The following GGACT variants were observed in gnomAD, a reference collection of about 807,000 sequenced individuals.
The protein encoded by GGACT is gamma-glutamylamine cyclotransferase, also known as gamma-glutamylaminecyclotransferase.
For missense variants in GGACT, 241 were observed against 233.2 expected (o/e 1.03, Z -0.22); for synonymous variants, 118 against 115.3 (o/e 1.02, Z -0.15).
chr13:100,556,634 T>C (rs1413415030), intron 2 of GGACT, among the ~76,000 whole-genome samples: 2 of 152,082 alleles, frequency 1.3e-5, no homozygotes, highest in African/African-American at 4.8e-5. Context: ...CTAAAATTTA[T>C]ATAAAAGGTA....
Position 100,530,460 on chromosome 13 carries a change from G to T in GGACT, c.*1670C>A. On this transcript the variant is annotated 3_prime_UTR_variant, in exon 3 of 3. Transcript: ENST00000683975. Reference sequence around the variant, plus strand: ...ATATTAGTTTGCCCTTTCTTTGAATGAAGACAATGTACACATAGGCGACAG... The same window carrying T: ...ATATTAGTTTGCCCTTTCTTTGAATTAAGACAATGTACACATAGGCGACAG... 2.0e-6 allele frequency: 1 copy of T among 504,030 alleles called. No homozygotes were observed. The highest frequency in any genetic ancestry group is 3.6e-6 in the Non-Finnish European group (1 of 277,438). The allele number at this position is 504,030 out of a possible 1,614,324, so 31.2% of individuals were successfully genotyped here. A position where few individuals can be genotyped will look rare whatever the true frequency, so the allele number is the denominator to read the frequency against.
intron 2 of GGACT, among the ~76,000 whole-genome samples, chr13:100,582,567 C>T (rs1325837115): frequency 6.6e-6 from 1 of 152,156 alleles, no homozygotes; most frequent in Non-Finnish European, 1.5e-5. Context: ...GGAAAACCTG[C>T]CCTGGATCAG....
At chr13:100,539,033 A>G (rs2088524887) in intron 2 of GGACT, 1 of 152,176 alleles carries the variant, frequency 6.6e-6, no homozygotes, top group African/African-American at 2.4e-5. Context: ...GTGTATAAAA[A>G]TGCAATAATT....
chr13:100,568,540 G>A (rs1874982038), intron 2 of GGACT, among the ~76,000 whole-genome samples: 1 of 152,214 alleles, frequency 6.6e-6, no homozygotes, highest in Non-Finnish European at 1.5e-5. Context: ...TCTCCACCAG[G>A]TGCCTCCCAT....
At chr13:100,558,272 G>A (rs1436906305) in intron 2 of GGACT, among the ~76,000 whole-genome samples, 1 of 151,360 alleles carries the variant, frequency 6.6e-6, no homozygotes, top group East Asian at 1.9e-4. Context: ...GAGCCCAGGA[G>A]TTAGAGACCA....
intron 2 of GGACT, among the ~76,000 whole-genome samples, chr13:100,544,262 C>G (rs556923303): frequency 6.6e-6 from 1 of 152,344 alleles, no homozygotes; most frequent in Admixed American, 6.5e-5. Flanking sequence ...CTGTAGGAAA[C>G]AGGTGAAAAA....
intron 2 of GGACT, among the ~76,000 whole-genome samples, chr13:100,576,625 T>C (rs1158611995): frequency 1.3e-5 from 2 of 152,060 alleles, no homozygotes; most frequent in East Asian, 3.9e-4. Context: ...CACAAACAAA[T>C]CTCAAAGTTG....
In GGACT at chr13:100,530,559, G is replaced by A. The variant is rs1197854354; in HGVS notation, c.*1571C>T. On this transcript the variant is annotated 3_prime_UTR_variant, in exon 3 of 3. Coordinates refer to ENST00000683975, the MANE Select transcript of GGACT (RefSeq NM_001195087.2). Reference sequence around the variant, plus strand: ...TGATATAAATGTCAGTCAGTTCTCTGCCTTGCTTTATTAAATTAGCACTTG... The same window carrying A: ...TGATATAAATGTCAGTCAGTTCTCTACCTTGCTTTATTAAATTAGCACTTG... 3.2e-6 allele frequency: 1 copy of A among 311,546 alleles called. No individual in the cohort carries two copies. Among genetic ancestry groups the A allele is most frequent in the Non-Finnish European group, 6.1e-6 (1 of 163,744 alleles). The allele number at this position is 311,546 out of a possible 1,614,324, so 19.3% of individuals were successfully genotyped here.
At chr13:100,586,279 G>C (rs1417933739) in intron 1 of GGACT, among the ~76,000 whole-genome samples, 1 of 150,184 alleles carries the variant, frequency 6.7e-6, no homozygotes, top group Non-Finnish European at 1.5e-5. Flanking sequence ...ACCAAAAAAA[G>C]AAAAAAAAAG....
chr13:100,540,961 T>G (rs1828138887), intron 2 of GGACT, among the ~76,000 whole-genome samples: 2 of 152,240 alleles, frequency 1.3e-5, no homozygotes, highest in Admixed American at 1.3e-4. Flanking sequence ...CATGTTACTG[T>G]GTCTTCAACC....
chr13:100,582,180 C>G (rs1361018146), intron 2 of GGACT, among the ~76,000 whole-genome samples: 1 of 152,164 alleles, frequency 6.6e-6, no homozygotes, highest in Non-Finnish European at 1.5e-5. Context: ...CACTTTAAAA[C>G]AGCTAACCAG....
chr13:100,568,313 T>C (rs994614786), intron 2 of GGACT, among the ~76,000 whole-genome samples: 2 of 152,246 alleles, frequency 1.3e-5, no homozygotes, highest in African/African-American at 4.8e-5. Context: ...AGAGGTTTAA[T>C]TGATTTACAT....
chr13:100,577,379 GCACCCCATC>G (rs1875277822), intron 2 of GGACT, among the ~76,000 whole-genome samples: 1 of 150,410 alleles, frequency 6.6e-6, no homozygotes, highest in Admixed American at 6.6e-5. Context: ...TCACGCCATT[GCACCCCATC>G]CTGGGTGACA....
intron 2 of GGACT, among the ~76,000 whole-genome samples, chr13:100,554,084 C>A (rs1037557499): frequency 6.6e-6 from 1 of 152,128 alleles, no homozygotes; most frequent in Non-Finnish European, 1.5e-5. Context: ...GTTAGTACTA[C>A]ACATAATTAA....
At chr13:100,567,510 C>T (rs1359228341) in intron 2 of GGACT, among the ~76,000 whole-genome samples, 2 of 152,184 alleles carry the variant, frequency 1.3e-5, no homozygotes, top group Non-Finnish European at 2.9e-5. Context: ...TGGCATCAGC[C>T]CTCTCTCCAA....
chr13:100,552,860 A>C lies in GGACT; in HGVS notation c.-10-20259T>G, dbSNP rs1223050544. On this transcript the variant is annotated intron_variant, in intron 2 of 2. Coordinates refer to ENST00000683975, the MANE Select transcript of GGACT (RefSeq NM_001195087.2). ...TGCTGAGTGCTGCTGATGAGAGGACACTCTAGAGTGGGGACAATGAGTCCC... is the reference window on the plus strand; with the variant it reads ...TGCTGAGTGCTGCTGATGAGAGGACCCTCTAGAGTGGGGACAATGAGTCCC... Among the ~76,000 whole-genome samples, 3 of 152,024 alleles carry C rather than the reference A, an allele frequency of 2.0e-5. No homozygotes were observed. In the East Asian group the frequency reaches 5.8e-4, roughly 29 times the overall value.
chr13:100,532,482 A>C lies in GGACT; in HGVS notation c.110T>G (p.Leu37Arg). Residue 37 changes from leucine (L) to arginine (R), a missense_variant, in exon 3 of 3, where the codon CTG becomes CGG. By Grantham distance (102) the Leu-to-Arg change is moderately radical. Transcript: ENST00000683975. ...CGCGATCACCAACGGGTAGGGCTCC[A>C]GCGTGCGGCCGCGCGCCCGAAAGGC... Reference protein sequence around the residue: ...SAAFRARGRTLEPYPLVIAGE... With the variant: ...SAAFRARGRTREPYPLVIAGE... 3.2e-6 allele frequency: 5 copies of C among 1,549,416 alleles called. No individual in the cohort carries two copies. Among genetic ancestry groups the C allele is most frequent in the Non-Finnish European group, 4.4e-6 (5 of 1,146,522 alleles).
intron 2 of GGACT, among the ~76,000 whole-genome samples, chr13:100,553,074 C>T (rs1278957968): frequency 6.6e-6 from 1 of 152,164 alleles, no homozygotes; most frequent in African/African-American, 2.4e-5. Context: ...CGAGGCAGGG[C>T]CCGGGCCTCC....
chr13:100,532,557 C>T lies in GGACT; in HGVS notation c.35G>A (p.Arg12Gln), dbSNP rs781734938. 4 of 1,547,022 alleles carry T rather than the reference C, an allele frequency of 2.6e-6. No homozygotes were observed. The highest frequency in any genetic ancestry group is 1.2e-5 in the South Asian group (1 of 83,830). Reference protein sequence around the residue: ...ALVFVYGTLKRGQPNHRVLRD... With the variant: ...ALVFVYGTLKQGQPNHRVLRD... The stretch of plus-strand genomic sequence containing the variant: ...CAGGACCCTGTGGTTGGGCTGACCC[C>T]GCTTCAGGGTGCCGTACACGAAGAC... The change falls in exon 3 of 3, where the codon CGG becomes CAG. Residue 12 changes from arginine to glutamine, a missense_variant. Coordinates refer to ENST00000683975, the MANE Select transcript of GGACT (RefSeq NM_001195087.2).
Sources: gnomAD v4.1 joint callset for allele counts (sites outside exome capture counted in the v4.1 genomes callset) on GRCh38, gnomAD v4.1.1 for gene constraint, MANE v1.5 for transcripts, NCBI Gene and HGNC (gene_info 2026-07-23, HGNC 2026-07-21) for gene names.